Variants in ATP1B1 observed in about 807,000 individuals in gnomAD.
The protein encoded by ATP1B1 is ATPase Na+/K+ transporting subunit beta 1, also known as sodium/potassium-transporting ATPase subunit beta-1.
In ATP1B1, 3 loss-of-function variants were observed where a neutral mutation model predicts 39.6. That is an observed-to-expected ratio of 0.08 (90% confidence interval 0.03 to 0.20). ATP1B1 has a LOEUF of 0.20. Among genes scored for constraint, ATP1B1 ranks in the 10% least tolerant of loss-of-function variants. The probability of loss-of-function intolerance (pLI) is 1.00; values close to 1 mark genes in which losing one functional copy is unlikely to be tolerated. For synonymous variants in ATP1B1, 139 were observed against 135.0 expected (o/e 1.03, Z -0.20); for missense variants, 216 against 371.1 (o/e 0.58, Z 3.43).
chr1:169,126,646 G>A (rs2101791195), intron 3 of ATP1B1, among the ~76,000 whole-genome samples: 1 of 152,298 alleles, frequency 6.6e-6, no homozygotes, highest in African/African-American at 2.4e-5. Context: ...AGGAGGTTGA[G>A]GCTGCAGTGG....
chr1:169,118,717 A>AT (rs559999013), intron 2 of ATP1B1, among the ~76,000 whole-genome samples: 4 of 152,222 alleles, frequency 2.6e-5, no homozygotes, highest in East Asian at 1.9e-4. Context: ...ACCTCTGTGT[A>AT]TTTTTTTTAA....
intron 4 of ATP1B1, among the ~76,000 whole-genome samples, chr1:169,129,169 G>T (rs570456339): frequency 6.6e-6 from 1 of 152,290 alleles, no homozygotes; most frequent in East Asian, 1.9e-4. Context: ...CAAAATAGTA[G>T]TTCCTTCCTG....
chr1:169,124,081 G>A (rs1044716438), intron 2 of ATP1B1, among the ~76,000 whole-genome samples: 3 of 152,166 alleles, frequency 2.0e-5, no homozygotes, highest in Non-Finnish European at 4.4e-5. Flanking sequence ...CAGTTGTGAT[G>A]GACTTTTCCA....
At chr1:169,116,462 A>G (rs2101780824) in intron 2 of ATP1B1, among the ~76,000 whole-genome samples, 1 of 152,308 alleles carries the variant, frequency 6.6e-6, no homozygotes, top group East Asian at 1.9e-4. Flanking sequence ...AGAATCGGGC[A>G]GGAGAAGTGG....
At chr1:169,124,797 A>G in intron 2 of ATP1B1, 87 bp from the exon 3 acceptor site, 1 of 1,470,794 alleles carries the variant, frequency 6.8e-7, no homozygotes, top group South Asian at 1.2e-5. Flanking sequence ...TGGAGTTAGC[A>G]AAGTATGTTT....
In ATP1B1 at chr1:169,121,214, T is replaced by G. The variant is rs186238381; in HGVS notation, c.227-3670T>G. Among the ~76,000 whole-genome samples, 6 of 152,322 alleles carry G rather than the reference T, an allele frequency of 3.9e-5. 1 individual carries two copies. The highest frequency in any genetic ancestry group is 1.4e-4 in the African/African-American group (6 of 41,576). ...CACCCAACTCATCCTCCCAAAGTTC[T>G]GGGATTACAGGCATTAGCCACCATT... is the stretch of plus-strand genomic sequence containing the variant. On this transcript the variant is annotated intron_variant, in intron 2 of 5. Transcript: ENST00000367815.
At chr1:169,110,665 C>G (rs1248094653) in intron 1 of ATP1B1, 1 of 1,282,516 alleles carries the variant, frequency 7.8e-7, no homozygotes, top group Non-Finnish European at 1.0e-6. Flanking sequence ...GCAAGTCAGT[C>G]ATTATTCTTG....
Position 169,129,996 on chromosome 1 carries a change from G to A in ATP1B1, c.568-14G>A. On this transcript the variant is annotated splice_polypyrimidine_tract_variant and intron_variant, in intron 4 of 5. Transcript: ENST00000367815. ...CATTTACAATCTACTGATCATAATG[G>A]GTTTTATTTTTAGCCTCCCAAGAAT... 1 of 1,611,616 alleles carries A rather than the reference G, an allele frequency of 6.2e-7. No homozygotes were observed. The highest frequency in any genetic ancestry group is 8.5e-7 in the Non-Finnish European group (1 of 1,178,132).
rs551536131 is a variant in ATP1B1, at chr1:169,106,883, C to T, written c.54C>T (p.Asn18=). The change falls in exon 1 of 6, where the codon AAC becomes AAT. Residue 18 remains asparagine (N), a synonymous_variant. Transcript: ENST00000367815. ...GCAGCTGGAAGAAATTCATCTGGAA[C>T]TCAGAGAAGAAGGAGTTTCTGGGCA... ...EEGSWKKFIW[N]SEKKEFLGRT... 6 of 1,585,378 alleles carry T rather than the reference C, an allele frequency of 3.8e-6. No individual in the cohort carries two copies. The highest frequency in any genetic ancestry group is 1.4e-5 in the African/African-American group (1 of 71,584).
At chr1:169,111,643 G>A in intron 2 of ATP1B1, 145 bp downstream of exon 2, 1 of 1,185,708 alleles carries the variant, frequency 8.4e-7, no homozygotes, top group Non-Finnish European at 1.2e-6. Flanking sequence ...TCTCTCGGCT[G>A]CAGCCAGATG....
intron 3 of ATP1B1, among the ~76,000 whole-genome samples, chr1:169,126,475 C>G (rs1658087534): frequency 6.6e-6 from 1 of 152,086 alleles, no homozygotes; most frequent in African/African-American, 2.4e-5. Flanking sequence ...CCAGCAAATG[C>G]TTAATGCATA....
Position 169,106,913 on chromosome 1 carries a change from C to T in ATP1B1, c.84C>T (p.Thr28=), listed in dbSNP as rs879136253. The T allele has an allele frequency of 6.3e-7, 1 of 1,578,318 alleles. No homozygotes were observed. Among genetic ancestry groups the T allele is most frequent in the Non-Finnish European group, 8.6e-7 (1 of 1,165,002 alleles). Residue 28 remains threonine, a synonymous_variant, in exon 1 of 6, where the codon ACC becomes ACT. Coordinates refer to ENST00000367815, the MANE Select transcript of ATP1B1 (RefSeq NM_001677.4). ...NSEKKEFLGR[T]GGSWFKILLF... is the part of the protein sequence containing the mutation. The stretch of plus-strand genomic sequence containing the variant: ...AGAAGAAGGAGTTTCTGGGCAGGAC[C>T]GGTGGCAGTTGGTGTAAGTACGGGG...
At chr1:169,112,786 A>G (rs1657754799) in intron 2 of ATP1B1, among the ~76,000 whole-genome samples, 1 of 152,240 alleles carries the variant, frequency 6.6e-6, no homozygotes, top group Non-Finnish European at 1.5e-5. Context: ...ACGTAAGTAA[A>G]TAACATAACT....
At chr1:169,121,602 C>T (rs898937013) in intron 2 of ATP1B1, among the ~76,000 whole-genome samples, 4 of 152,160 alleles carry the variant, frequency 2.6e-5, no homozygotes, top group Non-Finnish European at 5.9e-5. Flanking sequence ...GAACCTTGAG[C>T]AGCCACTGGA....
intron 2 of ATP1B1, among the ~76,000 whole-genome samples, chr1:169,122,019 T>C (rs1412478878): frequency 6.6e-6 from 1 of 152,310 alleles, no homozygotes; most frequent in African/African-American, 2.4e-5. Flanking sequence ...TGCCTTGTCT[T>C]TCCCAAGCCT....
At chr1:169,109,464 G>C (rs865923240) in intron 1 of ATP1B1, among the ~76,000 whole-genome samples, 1 of 152,050 alleles carries the variant, frequency 6.6e-6, no homozygotes, top group African/African-American at 2.4e-5. Context: ...CTCTCTCCCA[G>C]TGACCTCACG....
chr1:169,126,672 C>T (rs1658093823), intron 3 of ATP1B1, among the ~76,000 whole-genome samples: 1 of 152,118 alleles, frequency 6.6e-6, no homozygotes, highest in African/African-American at 2.4e-5. Flanking sequence ...GATCATGCTG[C>T]CGCACTCCAA....
At chr1:169,121,571 C>G (rs1207028378) in intron 2 of ATP1B1, among the ~76,000 whole-genome samples, 1 of 152,174 alleles carries the variant, frequency 6.6e-6, no homozygotes, top group Non-Finnish European at 1.5e-5. Flanking sequence ...CACTATTCCT[C>G]ATACTCATAT....
chr1:169,132,650 G>A lies in ATP1B1; in HGVS notation c.*1095G>A. ...GTTCTAACATATGTAATAATTGCCA[G>A]GAGTACAGTGCTCTTGTTGATCTTG... On this transcript the variant is annotated 3_prime_UTR_variant, in exon 6 of 6. Transcript: ENST00000367815. 1.4e-6 allele frequency: 1 copy of A among 738,446 alleles called. No individual in the cohort carries two copies. Among genetic ancestry groups the A allele is most frequent in the South Asian group, 2.0e-5 (1 of 49,854 alleles). The allele number at this position is 738,446 out of a possible 1,614,324, so 45.7% of individuals were successfully genotyped here. A position where few individuals can be genotyped will look rare whatever the true frequency, so the allele number is the denominator to read the frequency against.
Sources: allele counts gnomAD v4.1 joint callset (sites outside exome capture counted in the v4.1 genomes callset), GRCh38; gene constraint gnomAD v4.1.1; transcripts MANE v1.5; gene names NCBI Gene and HGNC (gene_info 2026-07-23, HGNC 2026-07-21).